The following CNTNAP2 variants were observed in gnomAD, a reference collection of about 807,000 sequenced individuals.
CNTNAP2 encodes contactin-associated protein-like 2.
In CNTNAP2, 98 loss-of-function variants were observed where a neutral mutation model predicts 155.2. The observed-to-expected ratio is 0.63, with a 90% CI of 0.54 to 0.75. The LOEUF is 0.75. CNTNAP2 is among the 30% of genes least tolerant of loss of function. The pLI is 0.00. For synonymous variants in CNTNAP2, 651 were observed against 631.2 expected, an observed-to-expected ratio of 1.03 and a Z score of -0.47; for missense variants, 1,727 against 1,688.1, an observed-to-expected ratio of 1.02 and a Z score of -0.40.
chr7:146,411,756 A>G (rs1795867621), intron 1 of CNTNAP2, among the ~76,000 whole-genome samples: 1 of 152,016 alleles, frequency 6.6e-6, no homozygotes, highest in Non-Finnish European at 1.5e-5. Flanking sequence ...AGAGATTGGC[A>G]TGGCATTTTG....
intron 20 of CNTNAP2, among the ~76,000 whole-genome samples, chr7:148,265,687 G>A (rs1049442471): frequency 3.9e-5 from 6 of 152,066 alleles, no homozygotes; most frequent in African/African-American, 1.4e-4. Flanking sequence ...GATTTTTGTG[G>A]CAATACTACT....
At chr7:148,161,883 C>A (rs776886012) in intron 17 of CNTNAP2, among the ~76,000 whole-genome samples, 1 of 152,188 alleles carries the variant, frequency 6.6e-6, no homozygotes, top group Non-Finnish European at 1.5e-5. Flanking sequence ...TTTCCCTTTT[C>A]CTCAATCCCC....
At chr7:148,352,100 G>A (rs1156670604) in intron 21 of CNTNAP2, among the ~76,000 whole-genome samples, 1 of 152,172 alleles carries the variant, frequency 6.6e-6, no homozygotes, top group Admixed American at 6.5e-5. Context: ...GGTCATTCGG[G>A]ACCATGTAGA....
At chr7:147,661,786 C>T (rs1044308386) in intron 13 of CNTNAP2, among the ~76,000 whole-genome samples, 1 of 152,034 alleles carries the variant, frequency 6.6e-6, no homozygotes, top group Non-Finnish European at 1.5e-5. Context: ...CTCCTGACCT[C>T]GTGATCTGCC....
chr7:147,625,982 A>G (rs1353997569), intron 12 of CNTNAP2, among the ~76,000 whole-genome samples: 1 of 152,198 alleles, frequency 6.6e-6, no homozygotes, highest in Non-Finnish European at 1.5e-5. Flanking sequence ...TAGAAGTAGC[A>G]GCAGAAAATG....
intron 1 of CNTNAP2, among the ~76,000 whole-genome samples, chr7:146,611,620 A>G (rs970421371): frequency 1.3e-5 from 2 of 152,180 alleles, no homozygotes; most frequent in Non-Finnish European, 2.9e-5. Flanking sequence ...ATCTACAAAG[A>G]ACATTTCTTG....
At chr7:146,462,662 C>T (rs1796655297) in intron 1 of CNTNAP2, among the ~76,000 whole-genome samples, 1 of 152,244 alleles carries the variant, frequency 6.6e-6, no homozygotes, top group Non-Finnish European at 1.5e-5. Flanking sequence ...ATGTGTTCTG[C>T]AATATCAAGA....
At chr7:146,589,319 A>G (rs1426264598) in intron 1 of CNTNAP2, among the ~76,000 whole-genome samples, 1 of 152,208 alleles carries the variant, frequency 6.6e-6, no homozygotes, top group Non-Finnish European at 1.5e-5. Flanking sequence ...TTGCAGCACT[A>G]TTCACAATAG....
At chr7:147,616,140 T>C (rs1177708816) in intron 12 of CNTNAP2, among the ~76,000 whole-genome samples, 2 of 152,202 alleles carry the variant, frequency 1.3e-5, no homozygotes, top group Admixed American at 1.3e-4. Flanking sequence ...AGATTTAAAG[T>C]CTATTTTAAA....
chr7:146,959,098 C>A (rs1254795538), intron 3 of CNTNAP2, among the ~76,000 whole-genome samples: 3 of 151,984 alleles, frequency 2.0e-5, no homozygotes, highest in African/African-American at 7.3e-5. Context: ...CGGCTCACTG[C>A]AACCTCCGCC....
chr7:147,130,166 C>T (rs535098965), intron 7 of CNTNAP2, among the ~76,000 whole-genome samples: 6 of 152,154 alleles, frequency 3.9e-5, no homozygotes, highest in African/African-American at 1.4e-4. Context: ...GTAATCCCAA[C>T]ACTGTGGGAG....
At chr7:146,576,834 C>T (rs1368699101) in intron 1 of CNTNAP2, among the ~76,000 whole-genome samples, 3 of 152,054 alleles carry the variant, frequency 2.0e-5, no homozygotes, top group Non-Finnish European at 4.4e-5. Context: ...TTCACGGATT[C>T]AGTGAATGAA....
chr7:146,557,524 G>A (rs1339371555), intron 1 of CNTNAP2, among the ~76,000 whole-genome samples: 1 of 151,986 alleles, frequency 6.6e-6, no homozygotes. Flanking sequence ...AAAATGTATA[G>A]AATTAAAGAC....
chr7:148,226,942 T>G (rs1321800451), intron 19 of CNTNAP2, among the ~76,000 whole-genome samples: 1 of 152,214 alleles, frequency 6.6e-6, no homozygotes, highest in East Asian at 1.9e-4. Flanking sequence ...CCCTCTGCCT[T>G]AAACCTACTT....
intron 1 of CNTNAP2, among the ~76,000 whole-genome samples, chr7:146,602,742 A>G (rs1039477669): frequency 6.6e-6 from 1 of 152,206 alleles, no homozygotes; most frequent in Non-Finnish European, 1.5e-5. Context: ...CAGTTGTGCT[A>G]GGAGTCTCCT....
intron 1 of CNTNAP2, among the ~76,000 whole-genome samples, chr7:146,640,901 G>A (rs1003254320): frequency 1.3e-5 from 2 of 152,196 alleles, no homozygotes; most frequent in East Asian, 1.9e-4. Context: ...ATAAACAAAT[G>A]TAAGGAAGAC....
At position 147,128,751 on chromosome 7, in the gene CNTNAP2, T is replaced by G. The variant is rs1404866747; in HGVS notation, c.998T>G (p.Phe333Cys). 6.2e-7 allele frequency: 1 copy of G among 1,614,006 alleles called. No homozygotes were observed. The highest frequency in any genetic ancestry group is 8.5e-7 in the Non-Finnish European group (1 of 1,179,992). ...CCCAGCTCCAGCAGTAGAAAGAATT[T>G]CAAAGGCTGCATGGAAAGCATCAAC... ...GKPSSSSRKN[F>C]KGCMESINYN... The change falls in exon 7 of 24, where the codon TTC becomes TGC. Residue 333 changes from phenylalanine to cysteine, a missense_variant. By Grantham distance (205) the Phe-to-Cys change is radical. Coordinates refer to ENST00000361727, the MANE Select transcript of CNTNAP2 (RefSeq NM_014141.6).
chr7:146,352,759 T>TTTTTTTC lies in CNTNAP2; in HGVS notation c.97+235792_97+235793insCTTTTTT, dbSNP rs1554421467. Among the ~76,000 whole-genome samples the TTTTTTTC allele has an allele frequency of 2.4e-5, 3 of 126,716 alleles. 1 individual carries two copies. The highest frequency in any genetic ancestry group is 4.1e-3 in the Middle Eastern group (1 of 242). The allele number at this position is 126,716 out of a possible 152,430, so 83.1% of individuals were successfully genotyped here. On this transcript the variant is annotated intron_variant, in intron 1 of 23. Coordinates refer to ENST00000361727, the MANE Select transcript of CNTNAP2 (RefSeq NM_014141.6). The stretch of plus-strand genomic sequence containing the variant: ...CAATTAGCATAATTCTGTTTTTTTT[T>TTTTTTTC]TTTTTTTTTTTTCGAGACAGAGTCT...
chr7:147,330,126 G>A (rs1032734658), intron 9 of CNTNAP2, among the ~76,000 whole-genome samples: 6 of 152,078 alleles, frequency 3.9e-5, no homozygotes, highest in Non-Finnish European at 5.9e-5. Flanking sequence ...AATGATGAGA[G>A]GGTTGGAATC....
Sources: allele counts gnomAD v4.1 joint callset (sites outside exome capture counted in the v4.1 genomes callset), GRCh38; gene constraint gnomAD v4.1.1; transcripts MANE v1.5; gene names NCBI Gene and HGNC (gene_info 2026-07-23, HGNC 2026-07-21).